The following MCC variants were observed in gnomAD, a reference collection of about 807,000 sequenced individuals.
MCC encodes MCC regulator of Wnt signaling pathway, also known as colorectal mutant cancer protein.
MCC carries 90 observed loss-of-function variants against 116.2 expected under a neutral mutation model. That is an observed-to-expected ratio of 0.77 (90% confidence interval 0.65 to 0.92). The LOEUF (loss-of-function observed/expected upper bound fraction) is 0.92, where lower values mean the gene tolerates loss of function less well. MCC is among the 40% of genes least tolerant of loss of function. The probability of loss-of-function intolerance (pLI) is 0.00; values close to 1 mark genes in which losing one functional copy is unlikely to be tolerated. For synonymous variants in MCC, 578 were observed against 510.5 expected (o/e 1.13, Z -1.78); for missense variants, 1,516 against 1,312.2 (o/e 1.16, Z -2.40).
intron 3 of MCC, among the ~76,000 whole-genome samples, chr5:113,217,317 A>G (rs549383023): frequency 9.9e-5 from 15 of 152,234 alleles, no homozygotes; most frequent in Admixed American, 2.0e-4. Context: ...GATAGAATTT[A>G]CCATAATTTG....
At chr5:113,358,742 T>C (rs1182264833) in intron 2 of MCC, among the ~76,000 whole-genome samples, 2 of 152,180 alleles carry the variant, frequency 1.3e-5, no homozygotes, top group Admixed American at 1.3e-4. Flanking sequence ...GTGTCAGCTG[T>C]CCCTGTCACA....
Position 113,413,771 on chromosome 5 carries a change from T to C in MCC, c.171-28559A>G, listed in dbSNP as rs576862038. Reference sequence around the variant, plus strand: ...AGGGTTTTTTTGTGTCTCTATCTCCTTCAGTTCTGCTCTGATCTTAGTTAT... The same window carrying C: ...AGGGTTTTTTTGTGTCTCTATCTCCCTCAGTTCTGCTCTGATCTTAGTTAT... On this transcript the variant is annotated intron_variant, in intron 1 of 18. Transcript: ENST00000408903. Among the ~76,000 whole-genome samples the C allele has an allele frequency of 1.2e-3, 186 of 152,328 alleles. 1 individual carries two copies. Among genetic ancestry groups the C allele is most frequent in the African/African-American group, 4.4e-3 (181 of 41,580 alleles).
intron 3 of MCC, among the ~76,000 whole-genome samples, chr5:113,288,165 C>T (rs1373089220): frequency 1.3e-5 from 2 of 152,248 alleles, no homozygotes; most frequent in African/African-American, 4.8e-5. Context: ...CAGCCGCTGC[C>T]TTGCCATGCA....
rs1163645584 is a variant in MCC at position 113,054,022 on chromosome 5, C to G, written c.2214-63G>C. ...TTATTCCAAGTCATGGCAAATAGAT[C>G]TTTCCTCCTCACTCTTCTCCACATT... On this transcript the variant is annotated intron_variant, in intron 14 of 18. Transcript: ENST00000408903. The G allele has an allele frequency of 6.9e-6, 8 of 1,167,688 alleles. No individual in the cohort carries two copies. The African/African-American group carries it at 7.6e-5, about 11-fold the overall frequency. The allele number at this position is 1,167,688 out of a possible 1,614,324, so 72.3% of individuals were successfully genotyped here.
chr5:113,319,337 G>A (rs1482198236), intron 3 of MCC, among the ~76,000 whole-genome samples: 1 of 152,150 alleles, frequency 6.6e-6, no homozygotes, highest in Non-Finnish European at 1.5e-5. Flanking sequence ...AGGTATTAGT[G>A]AACTTCTTGC....
At chr5:113,230,534 AAC>A (rs1763903612) in intron 3 of MCC, among the ~76,000 whole-genome samples, 1 of 152,198 alleles carries the variant, frequency 6.6e-6, no homozygotes, top group Admixed American at 6.5e-5. Context: ...TTCTTCCTTT[AAC>A]AGAGAGAATT....
chr5:113,443,279 C>G (rs1033094558), intron 1 of MCC, among the ~76,000 whole-genome samples: 1 of 152,144 alleles, frequency 6.6e-6, no homozygotes, highest in Non-Finnish European at 1.5e-5. Flanking sequence ...GGAGTTCACT[C>G]ATGATTTGGC....
At chr5:113,110,586 A>G (rs1757030619) in intron 6 of MCC, among the ~76,000 whole-genome samples, 1 of 152,222 alleles carries the variant, frequency 6.6e-6, no homozygotes, top group South Asian at 2.1e-4. Flanking sequence ...TTAAAGTTGT[A>G]GACCATTTAA....
chr5:113,271,361 T>C (rs1765611894), intron 3 of MCC, among the ~76,000 whole-genome samples: 1 of 152,150 alleles, frequency 6.6e-6, no homozygotes, highest in Non-Finnish European at 1.5e-5. Flanking sequence ...ATCCCTTGGC[T>C]CAAGTCTGGA....
intron 11 of MCC, among the ~76,000 whole-genome samples, chr5:113,073,156 T>C (rs1006399321): frequency 1.3e-5 from 2 of 152,210 alleles, no homozygotes; most frequent in African/African-American, 4.8e-5. Flanking sequence ...ATTGCTCTTC[T>C]TCCAGTGTGG....
chr5:113,384,853 A>C, intron 2 of MCC, 115 bp downstream of exon 2: 2 of 1,230,808 alleles, frequency 1.6e-6, no homozygotes, highest in Non-Finnish European at 2.3e-6. Context: ...CCAGGAGGGC[A>C]GCCTCAGTAT....
chr5:113,068,129 C>G lies in MCC; in HGVS notation c.1980G>C (p.Gln660His). ...ELLLALAESE[Q>H]SLILGQFRAA... ...CTCGGAACTGCCCCAGGATGAGGCT[C>G]TGCTCACTCTCTGCCAGCGCCAGGA... The change falls in exon 13 of 19, where the codon CAG (glutamine) becomes CAC (histidine). Residue 660 changes from glutamine (Q) to histidine (H), a missense_variant. Transcript: ENST00000408903. The G allele has an allele frequency of 1.2e-6, 2 of 1,614,206 alleles. No homozygotes were observed. The highest frequency in any genetic ancestry group is 8.5e-7 in the Non-Finnish European group (1 of 1,180,028).
intron 3 of MCC, among the ~76,000 whole-genome samples, chr5:113,278,595 G>C (rs764730249): frequency 6.6e-6 from 1 of 152,176 alleles, no homozygotes; most frequent in African/African-American, 2.4e-5. Context: ...CAAAGTTTAA[G>C]GATGTGGATA....
chr5:113,038,391 G>C (rs1751461983), intron 17 of MCC, among the ~76,000 whole-genome samples: 1 of 152,094 alleles, frequency 6.6e-6, no homozygotes, highest in Admixed American at 6.6e-5. Context: ...CTTTCTGTGT[G>C]GGGACTGAGG....
At chr5:113,486,657 A>T (rs2150438335) in intron 1 of MCC, among the ~76,000 whole-genome samples, 1 of 152,202 alleles carries the variant, frequency 6.6e-6, no homozygotes, top group South Asian at 2.1e-4. Flanking sequence ...CAGCCTGGCC[A>T]AATTGTGAAG....
rs1246520096 is a variant in MCC at position 113,073,688 on chromosome 5, A to G, written c.1785-2454T>C. 4.0e-5 allele frequency among the ~76,000 whole-genome samples: 6 copies of G among 150,394 alleles called. No homozygotes were observed. In the South Asian group the frequency reaches 6.3e-4, roughly 16 times the overall value. Reference sequence around the variant, plus strand: ...TTTTTTTTCTTTTAAATCCATCTCAATGTAAGCCTCCCATCTTCAGATGCC... The same window carrying G: ...TTTTTTTTCTTTTAAATCCATCTCAGTGTAAGCCTCCCATCTTCAGATGCC... On this transcript the variant is annotated intron_variant, in intron 11 of 18. Transcript: ENST00000408903.
intron 3 of MCC, among the ~76,000 whole-genome samples, chr5:113,220,413 T>G (rs1405486134): frequency 6.6e-6 from 1 of 152,054 alleles, no homozygotes; most frequent in Non-Finnish European, 1.5e-5. Context: ...GATCTATAGA[T>G]CAATTGAGAG....
In MCC at chr5:113,409,751, C is replaced by T. The variant is rs192762402; in HGVS notation, c.171-24539G>A. ...TAAGAATCATGTACTCTCTCATTCCCACCCCACTCCAATACTAAGGGCAAT... is the reference window on the plus strand; with the variant it reads ...TAAGAATCATGTACTCTCTCATTCCTACCCCACTCCAATACTAAGGGCAAT... On this transcript the variant is annotated intron_variant, in intron 1 of 18. Coordinates refer to ENST00000408903, the MANE Select transcript of MCC (RefSeq NM_001085377.2). Among the ~76,000 whole-genome samples, 294 of 152,262 alleles carry T rather than the reference C, an allele frequency of 1.9e-3. 6 individuals carry two copies. In the East Asian group the frequency reaches 0.02, roughly 10 times the overall value.
intron 5 of MCC, among the ~76,000 whole-genome samples, chr5:113,127,527 T>A (rs979538973): frequency 6.6e-6 from 1 of 152,192 alleles, no homozygotes; most frequent in Non-Finnish European, 1.5e-5. Flanking sequence ...TTTTTTGACT[T>A]TTTAATAGTA....
Sources: allele counts gnomAD v4.1 joint callset (sites outside exome capture counted in the v4.1 genomes callset), GRCh38; gene constraint gnomAD v4.1.1; transcripts MANE v1.5; gene names NCBI Gene and HGNC (gene_info 2026-07-23, HGNC 2026-07-21).